The following CNTNAP2 variants were observed in gnomAD, a reference collection of about 807,000 sequenced individuals.
CNTNAP2 encodes contactin-associated protein-like 2.
In CNTNAP2, 98 loss-of-function variants were observed where a neutral mutation model predicts 155.2. That is an observed-to-expected ratio of 0.63 (90% CI 0.54 to 0.75). CNTNAP2 has a LOEUF of 0.75. Among genes scored for constraint, CNTNAP2 ranks in the 30% least tolerant of loss-of-function variants. The pLI, the probability that CNTNAP2 is intolerant of heterozygous loss-of-function variation, is 0.00. For missense variants in CNTNAP2, 1,727 were observed against 1,688.1 expected, an observed-to-expected ratio of 1.02 and a Z score of -0.40; for synonymous variants, 651 against 631.2, an observed-to-expected ratio of 1.03 and a Z score of -0.47.
intron 9 of CNTNAP2, among the ~76,000 whole-genome samples, chr7:147,373,489 T>C (rs1438104501): frequency 1.3e-5 from 2 of 152,128 alleles, no homozygotes; most frequent in Non-Finnish European, 2.9e-5. Context: ...TGTAGAATAA[T>C]TTTTTACTGG....
intron 1 of CNTNAP2, among the ~76,000 whole-genome samples, chr7:146,283,055 T>C (rs1391116408): frequency 6.6e-6 from 1 of 152,240 alleles, no homozygotes; most frequent in Non-Finnish European, 1.5e-5. Flanking sequence ...TGAAATTATT[T>C]AGATGGACAC....
chr7:147,981,473 T>C (rs1163178714), intron 15 of CNTNAP2, among the ~76,000 whole-genome samples: 2 of 152,238 alleles, frequency 1.3e-5, no homozygotes, highest in African/African-American at 4.8e-5. Flanking sequence ...AACCTACAGC[T>C]TATAAAGACT....
chr7:146,681,378 G>A (rs1286944315), intron 1 of CNTNAP2, among the ~76,000 whole-genome samples: 1 of 129,994 alleles, frequency 7.7e-6, no homozygotes, highest in African/African-American at 2.9e-5. Context: ...TAGAAATGGT[G>A]TTATTCATGG....
chr7:147,158,779 C>CA (rs1460792622), intron 8 of CNTNAP2, among the ~76,000 whole-genome samples: 28 of 151,988 alleles, frequency 1.8e-4, no homozygotes, highest in Non-Finnish European at 8.8e-5. Context: ...TCTTGTTGAG[C>CA]AACTACTAGA....
intron 3 of CNTNAP2, among the ~76,000 whole-genome samples, chr7:146,878,228 T>TC (rs1299536567): frequency 1.3e-5 from 2 of 152,182 alleles, no homozygotes; most frequent in Non-Finnish European, 2.9e-5. Context: ...TGCTGACTTC[T>TC]GTCAGTGACA....
chr7:148,419,387 G>C lies in CNTNAP2; in HGVS notation c.*3771G>C, dbSNP rs920775459. ...GTAACAATGTCCCCAGCTGACTTCA[G>C]CTAAGAACCAATGGCTCCTACCCCC... On this transcript the variant is annotated 3_prime_UTR_variant, in exon 24 of 24. Coordinates refer to ENST00000361727, the MANE Select transcript of CNTNAP2 (RefSeq NM_014141.6). 2 of 152,358 alleles carry C rather than the reference G, an allele frequency of 1.3e-5. No homozygotes were observed. The highest frequency in any genetic ancestry group is 4.8e-5 in the African/African-American group (2 of 41,410). The allele number at this position is 152,358 out of a possible 1,614,324, so 9.4% of individuals were successfully genotyped here. A position where few individuals can be genotyped will look rare whatever the true frequency, so the allele number is the denominator to read the frequency against.
At chr7:147,149,483 A>G (rs1043656007) in intron 8 of CNTNAP2, among the ~76,000 whole-genome samples, 1 of 152,246 alleles carries the variant, frequency 6.6e-6, no homozygotes, top group African/African-American at 2.4e-5. Flanking sequence ...AAGGGCAAAA[A>G]GAAAGAAATT....
At chr7:147,128,658 T>C in intron 6 of CNTNAP2, 35 bp from the exon 7 acceptor site, 1 of 1,612,996 alleles carries the variant, frequency 6.2e-7, no homozygotes, top group South Asian at 1.1e-5. Context: ...CATAATACAA[T>C]GTGGACGTTT....
intron 4 of CNTNAP2, among the ~76,000 whole-genome samples, chr7:147,066,037 A>T (rs913566282): frequency 8.5e-5 from 13 of 152,198 alleles, no homozygotes; most frequent in African/African-American, 3.1e-4. Context: ...AAAACAAAAA[A>T]CAAAGAAACA....
intron 1 of CNTNAP2, among the ~76,000 whole-genome samples, chr7:146,766,255 T>G (rs1802192361): frequency 6.6e-6 from 1 of 152,192 alleles, no homozygotes; most frequent in African/African-American, 2.4e-5. Context: ...GCATATCCAT[T>G]AAATTGCTGA....
chr7:146,132,566 T>A (rs1428091414), intron 1 of CNTNAP2, among the ~76,000 whole-genome samples: 2 of 69,758 alleles, frequency 2.9e-5, no homozygotes, highest in Admixed American at 2.2e-4. Flanking sequence ...CCCTCCCCCC[T>A]CCCCCCACCC....
rs138418503 is a variant in CNTNAP2, at chr7:147,745,505, G to T, written c.2098+106199G>T. Among the ~76,000 whole-genome samples the T allele has an allele frequency of 3.2e-3, 486 of 152,264 alleles. 5 individuals are homozygous for T. The highest frequency in any genetic ancestry group is 0.011 in the African/African-American group (458 of 41,542). ...CCAACCCCAATCATAAACATCTTTA[G>T]CAGAAGACTGAATTCTCCTTTTCTT... On this transcript the variant is annotated intron_variant, in intron 13 of 23. Transcript: ENST00000361727.
intron 12 of CNTNAP2, among the ~76,000 whole-genome samples, chr7:147,605,798 G>T (rs1437720017): frequency 1.3e-5 from 2 of 151,982 alleles, no homozygotes; most frequent in African/African-American, 2.4e-5. Context: ...TCAGTTCAAG[G>T]CACTCAGGAT....
intron 1 of CNTNAP2, among the ~76,000 whole-genome samples, chr7:146,668,192 T>C (rs1363367281): frequency 6.6e-6 from 1 of 152,166 alleles, no homozygotes; most frequent in Non-Finnish European, 1.5e-5. Context: ...GCATATTACA[T>C]TGTATTAAAT....
At chr7:147,774,858 T>C (rs971655245) in intron 13 of CNTNAP2, among the ~76,000 whole-genome samples, 9 of 152,110 alleles carry the variant, frequency 5.9e-5, no homozygotes, top group African/African-American at 2.2e-4. Context: ...AACCTAAGTC[T>C]CTTACTTAAA....
chr7:148,384,290 C>A (rs554843956), intron 22 of CNTNAP2, among the ~76,000 whole-genome samples: 1 of 152,196 alleles, frequency 6.6e-6, no homozygotes, highest in Admixed American at 6.5e-5. Context: ...TATAGAGATC[C>A]GTCTCCTGGC....
rs543906779 is a variant in CNTNAP2, at chr7:146,828,219, A to C, written c.209-11492A>C. ...ACCAGACTCATTAACAATAAAAATT[A>C]TATACAGTCAAGTGTTACTTAGCTG... On this transcript the variant is annotated intron_variant, in intron 2 of 23. Transcript: ENST00000361727. 8.5e-5 allele frequency among the ~76,000 whole-genome samples: 13 copies of C among 152,208 alleles called. No individual in the cohort carries two copies. The South Asian group carries it at 2.7e-3, about 32-fold the overall frequency.
chr7:147,978,810 C>T (rs571978949), intron 15 of CNTNAP2, among the ~76,000 whole-genome samples: 24 of 152,104 alleles, frequency 1.6e-4, no homozygotes, highest in Admixed American at 7.9e-4. Flanking sequence ...GCTAGGCATC[C>T]GGAGACCTAG....
chr7:147,452,750 G>A (rs73457406), intron 10 of CNTNAP2, among the ~76,000 whole-genome samples: 2,899 of 152,182 alleles, frequency 0.019, 105 homozygotes, highest in African/African-American at 0.066. Context: ...TTATGGTGGG[G>A]ATCAGGTCTC....
Sources: gnomAD v4.1 joint callset for allele counts (sites outside exome capture counted in the v4.1 genomes callset) on GRCh38, gnomAD v4.1.1 for gene constraint, MANE v1.5 for transcripts, NCBI Gene and HGNC (gene_info 2026-07-23, HGNC 2026-07-21) for gene names.